The following ADGB variants were observed in gnomAD, a reference collection of about 807,000 sequenced individuals.
ADGB encodes calpain-7-like protein.
ADGB carries 172 observed loss-of-function variants against 210.5 expected under a neutral mutation model. That is an observed-to-expected ratio of 0.82 (90% CI 0.72 to 0.93). The LOEUF (loss-of-function observed/expected upper bound fraction) is 0.93, where lower values mean the gene tolerates loss of function less well. Among genes scored for constraint, ADGB ranks in the 40% least tolerant of loss-of-function variants. The probability of loss-of-function intolerance (pLI) is 0.00; values close to 1 mark genes in which losing one functional copy is unlikely to be tolerated. For missense variants in ADGB, 2,025 were observed against 1,964.8 expected, an observed-to-expected ratio of 1.03 and a Z score of -0.58; for synonymous variants, 658 against 662.7, an observed-to-expected ratio of 0.99 and a Z score of 0.11.
chr6:146,800,787 T>G (rs909633446), intron 33 of ADGB, among the ~76,000 whole-genome samples: 2 of 152,222 alleles, frequency 1.3e-5, no homozygotes, highest in Non-Finnish European at 2.9e-5. Flanking sequence ...AGCCCGGTAG[T>G]ACTTAGTGTA....
intron 1 of ADGB, among the ~76,000 whole-genome samples, chr6:146,624,505 GTCTT>G (rs1780944665): frequency 6.6e-6 from 1 of 151,540 alleles, no homozygotes; most frequent in Non-Finnish European, 1.5e-5. Context: ...ATAAATTGTG[GTCTT>G]TGATCTGCTC....
At chr6:146,706,240 T>G (rs73571707) in intron 13 of ADGB, among the ~76,000 whole-genome samples, 28,167 of 148,688 alleles carry the variant, frequency 0.19, 2,785 homozygotes, top group East Asian at 0.3. Flanking sequence ...CAGTTTTTTG[T>G]TTTTTTTTTC....
chr6:146,625,718 C>G (rs1780961917), intron 1 of ADGB, among the ~76,000 whole-genome samples: 1 of 152,046 alleles, frequency 6.6e-6, no homozygotes, highest in South Asian at 2.1e-4. Context: ...TTCCAGAAGC[C>G]AAACAGATGC....
chr6:146,620,058 T>C (rs1780866224), intron 1 of ADGB, among the ~76,000 whole-genome samples: 1 of 152,132 alleles, frequency 6.6e-6, no homozygotes, highest in African/African-American at 2.4e-5. Context: ...ATCTTACTGT[T>C]TGGCAGTATT....
chr6:146,665,405 T>A (rs1288162577), intron 6 of ADGB, among the ~76,000 whole-genome samples: 6 of 152,084 alleles, frequency 3.9e-5, no homozygotes, highest in Non-Finnish European at 8.8e-5. Flanking sequence ...TTAATTGCAA[T>A]GATTTTCATA....
At chr6:146,763,245 C>T (rs1777522026) in intron 27 of ADGB, among the ~76,000 whole-genome samples, 1 of 152,088 alleles carries the variant, frequency 6.6e-6, no homozygotes, top group South Asian at 2.1e-4. Flanking sequence ...AAAATAGTTG[C>T]TTTATACGTT....
In ADGB at chr6:146,599,096, G is replaced by A. The variant is rs1313637829; in HGVS notation, c.56G>A (p.Gly19Glu). Residue 19 changes from glycine to glutamate, a missense_variant, in exon 1 of 36, where the codon GGA (glycine) becomes GAA (glutamate). By Grantham distance (98) the Gly-to-Glu change is moderately conservative. Coordinates refer to ENST00000397944, the MANE Select transcript of ADGB (RefSeq NM_024694.4). ...KEVHRINSAH[G>E]SDKSKDFYPF... ...GTGCATCGTATCAACTCGGCGCACG[G>A]ATCGGATAAATCGAAAGAGTAAGGG... 3 of 1,551,606 alleles carry A rather than the reference G, an allele frequency of 1.9e-6. No individual in the cohort carries two copies. Among genetic ancestry groups the A allele is most frequent in the African/African-American group, 2.7e-5 (2 of 73,058 alleles).
rs969235730 is a variant in ADGB at position 146,687,303 on chromosome 6, T to C, written c.1311+1475T>C. On this transcript the variant is annotated intron_variant, in intron 10 of 35. Transcript: ENST00000397944. Reference sequence around the variant, plus strand: ...TGGCCTTCTCACGCCTGCCTTTCTTTTAACCTCTTTGCATGCTACTGGCCT... The same window carrying C: ...TGGCCTTCTCACGCCTGCCTTTCTTCTAACCTCTTTGCATGCTACTGGCCT... Among the ~76,000 whole-genome samples the C allele has an allele frequency of 2.3e-4, 35 of 152,122 alleles. 1 individual carries two copies. Among genetic ancestry groups the C allele is most frequent in the Non-Finnish European group, 2.9e-5 (2 of 68,022 alleles).
At chr6:146,767,893 G>C (rs1015868570) in intron 28 of ADGB, among the ~76,000 whole-genome samples, 3 of 145,960 alleles carry the variant, frequency 2.1e-5, no homozygotes, top group Admixed American at 2.0e-4. Flanking sequence ...TCACAATGCT[G>C]TTCTGCTACT....
chr6:146,807,547 C>T (rs1215134509), intron 35 of ADGB: 1 of 1,547,242 alleles, frequency 6.5e-7, no homozygotes, highest in East Asian at 2.4e-5. Flanking sequence ...ATGACCCCAG[C>T]TCCTGACACA....
chr6:146,720,104 T>C (rs1233860425), intron 16 of ADGB, among the ~76,000 whole-genome samples: 1 of 152,192 alleles, frequency 6.6e-6, no homozygotes, highest in Non-Finnish European at 1.5e-5. Flanking sequence ...TTTTAAAGTA[T>C]AGTATAATTC....
chr6:146,694,348 G>T (rs1776376570), intron 12 of ADGB, among the ~76,000 whole-genome samples: 1 of 152,150 alleles, frequency 6.6e-6, no homozygotes, highest in Non-Finnish European at 1.5e-5. Flanking sequence ...GCTTCCTCAT[G>T]CATGGCATCT....
chr6:146,672,771 C>G (rs770464189), intron 8 of ADGB, among the ~76,000 whole-genome samples: 11 of 146,850 alleles, frequency 7.5e-5, no homozygotes, highest in African/African-American at 1.3e-4. Context: ...GCTCTTGTTG[C>G]CCAGGCTGGA....
intron 9 of ADGB, among the ~76,000 whole-genome samples, chr6:146,685,396 T>A (rs924268817): frequency 6.6e-6 from 1 of 152,078 alleles, no homozygotes; most frequent in South Asian, 2.1e-4. Context: ...AATGCTTCAA[T>A]TTAAAAATAA....
intron 9 of ADGB, among the ~76,000 whole-genome samples, chr6:146,677,206 T>TA (rs1404127287): frequency 1.3e-5 from 2 of 152,162 alleles, no homozygotes; most frequent in South Asian, 2.1e-4. Context: ...AAACAAGCTG[T>TA]AAAAAAATGA....
At chr6:146,772,671 T>C (rs2114634852) in intron 29 of ADGB, among the ~76,000 whole-genome samples, 1 of 148,526 alleles carries the variant, frequency 6.7e-6, no homozygotes, top group Non-Finnish European at 1.5e-5. Context: ...ATTTATTATA[T>C]ATAAAACAAT....
At chr6:146,808,611 T>C (rs1778249112) in intron 35 of ADGB, among the ~76,000 whole-genome samples, 1 of 152,232 alleles carries the variant, frequency 6.6e-6, no homozygotes, top group African/African-American at 2.4e-5. Context: ...CTCAAAACTC[T>C]CATAGTATTT....
Position 146,663,603 on chromosome 6 carries a change from G to A in ADGB, c.613-598G>A, listed in dbSNP as rs9497597. Among the ~76,000 whole-genome samples, 614 of 151,956 alleles carry A rather than the reference G, an allele frequency of 4.0e-3. 1 individual carries two copies. The highest frequency in any genetic ancestry group is 0.014 in the African/African-American group (595 of 41,458). On this transcript the variant is annotated intron_variant, in intron 5 of 35. Coordinates refer to ENST00000397944, the MANE Select transcript of ADGB (RefSeq NM_024694.4). Reference sequence around the variant, plus strand: ...TGTATACACACATAGACACATGCACGCAAACGTATTTTTTATATGTTCAGG... The same window carrying A: ...TGTATACACACATAGACACATGCACACAAACGTATTTTTTATATGTTCAGG...
At chr6:146,668,584 GA>G (rs1260517893) in intron 7 of ADGB, among the ~76,000 whole-genome samples, 18 of 152,040 alleles carry the variant, frequency 1.2e-4, no homozygotes, top group Admixed American at 1.2e-3. Context: ...GAAGTAGAGA[GA>G]AAATGAGATT....
Sources: allele counts gnomAD v4.1 joint callset (sites outside exome capture counted in the v4.1 genomes callset), GRCh38; gene constraint gnomAD v4.1.1; transcripts MANE v1.5; gene names NCBI Gene and HGNC (gene_info 2026-07-23, HGNC 2026-07-21).